HTR4: variants seen among roughly 807,000 people sequenced by gnomAD.
The protein encoded by HTR4 is 5-hydroxytryptamine receptor 4, also known as 5-hydroxytryptamine (serotonin) receptor 4, G protein-coupled.
A neutral mutation model predicts 36.8 loss-of-function variants in HTR4; 16 were observed. The observed-to-expected ratio is 0.43, with a 90% CI of 0.29 to 0.66. HTR4 has a LOEUF of 0.66. HTR4 is among the 30% of genes least tolerant of loss of function. HTR4 has a pLI of 0.13. For synonymous variants in HTR4, 189 were observed against 185.1 expected (o/e 1.02, Z -0.17); for missense variants, 438 against 490.9 (o/e 0.89, Z 1.02).
At chr5:148,478,364 G>A (rs1755766718), downstream of HTR4, among the ~76,000 whole-genome samples, 1 of 152,180 alleles carries the variant, frequency 6.6e-6, no homozygotes, top group South Asian at 2.1e-4. Context: ...TCTGCAGGAG[G>A]TTCTGGGGTC....
intron 2 of HTR4, 146 bp from the exon 3 acceptor site, chr5:148,550,408 A>G: frequency 1.1e-6 from 1 of 873,964 alleles, no homozygotes; most frequent in African/African-American, 1.7e-5. Context: ...ATGTACACCA[A>G]AATCTGAACC....
At chr5:148,496,800 C>T (rs1756703689) in intron 6 of HTR4, among the ~76,000 whole-genome samples, 1 of 152,218 alleles carries the variant, frequency 6.6e-6, no homozygotes, top group African/African-American at 2.4e-5. Context: ...CCTGATAAAC[C>T]TTGTGTACAC....
intron 2 of HTR4, among the ~76,000 whole-genome samples, chr5:148,591,075 T>C (rs1761548422): frequency 1.3e-5 from 2 of 152,230 alleles, no homozygotes; most frequent in African/African-American, 4.8e-5. Context: ...GCACCATTTG[T>C]TGAATGGGGA....
intron 2 of HTR4, among the ~76,000 whole-genome samples, chr5:148,634,822 G>A (rs995130290): frequency 5.9e-5 from 9 of 152,066 alleles, no homozygotes; most frequent in African/African-American, 2.2e-4. Context: ...GCAAGTAAAA[G>A]GATTCTTTTC....
chr5:148,464,845 G>A (rs534175403), intron 5 of HTR4, among the ~76,000 whole-genome samples: 1 of 152,252 alleles, frequency 6.6e-6, no homozygotes, highest in East Asian at 1.9e-4. Flanking sequence ...TTTAGTAGGT[G>A]AATGGATAAA....
chr5:148,454,512 C>T (rs984554905), intron 5 of HTR4, among the ~76,000 whole-genome samples: 1 of 152,136 alleles, frequency 6.6e-6, no homozygotes, highest in African/African-American at 2.4e-5. Flanking sequence ...ATGATGTACA[C>T]ATAGCCTTAA....
intron 2 of HTR4, among the ~76,000 whole-genome samples, chr5:148,574,013 G>A (rs1196551612): frequency 6.6e-6 from 1 of 152,050 alleles, no homozygotes; most frequent in African/African-American, 2.4e-5. Context: ...CCAAGCAATG[G>A]GGTGAATTTT....
chr5:148,509,860 A>C lies in HTR4; in HGVS notation c.672T>G (p.His224Gln). The C allele has an allele frequency of 1.2e-6, 2 of 1,613,944 alleles. No individual in the cohort carries two copies. The highest frequency in any genetic ancestry group is 1.7e-6 in the Non-Finnish European group (2 of 1,179,978). Residue 224 changes from histidine to glutamine, a missense_variant, in exon 6 of 7, where the codon CAT becomes CAG. His to Gln is a conservative substitution (Grantham distance 24). Coordinates refer to ENST00000377888, the MANE Select transcript of HTR4 (RefSeq NM_000870.7). Reference sequence around the variant, plus strand: ...CTGCCCGTTGTAACATCTGGATCTGATGGGCATGCTCCTTAGCTGTGACAT... The same window carrying C: ...CTGCCCGTTGTAACATCTGGATCTGCTGGGCATGCTCCTTAGCTGTGACAT... ...RIYVTAKEHAHQIQMLQRAGA... is the reference protein window; with the variant it reads ...RIYVTAKEHAQQIQMLQRAGA...
In HTR4 at chr5:148,547,971, G is replaced by A. The variant is rs533982455; in HGVS notation, c.353+697C>T. Among the ~76,000 whole-genome samples the A allele has an allele frequency of 8.5e-5, 13 of 152,278 alleles. No homozygotes were observed. The South Asian group carries it at 1.7e-3, about 19-fold the overall frequency. ...TTAGATTGCATTCTACCTTTATGATGAAATGTAAATTAGCAGGAATTGGAA... is the reference window on the plus strand; with the variant it reads ...TTAGATTGCATTCTACCTTTATGATAAAATGTAAATTAGCAGGAATTGGAA... On this transcript the variant is annotated intron_variant, in intron 4 of 6. Coordinates refer to ENST00000377888, the MANE Select transcript of HTR4 (RefSeq NM_000870.7).
At chr5:148,589,112 T>C (rs972332418) in intron 2 of HTR4, among the ~76,000 whole-genome samples, 2 of 152,130 alleles carry the variant, frequency 1.3e-5, no homozygotes, top group African/African-American at 4.8e-5. Context: ...AGATAGATAA[T>C]TTGCTTCTAC....
intron 1 of HTR4, among the ~76,000 whole-genome samples, chr5:148,642,896 CA>C (rs1267644969): frequency 2.0e-5 from 3 of 151,484 alleles, no homozygotes; most frequent in Non-Finnish European, 4.4e-5. Context: ...AGTCCCTCAC[CA>C]AAAAAACCAT....
chr5:148,562,801 T>A (rs1298078403), intron 2 of HTR4, among the ~76,000 whole-genome samples: 4 of 152,204 alleles, frequency 2.6e-5, no homozygotes, highest in African/African-American at 9.6e-5. Context: ...CTACCTCTTC[T>A]ACCTCCAGTA....
At chr5:148,452,653 A>G (rs1341677609) in intron 5 of HTR4, among the ~76,000 whole-genome samples, 3 of 152,196 alleles carry the variant, frequency 2.0e-5, no homozygotes, top group Non-Finnish European at 4.4e-5. Flanking sequence ...TGTTGATTGA[A>G]GAACAGGGCC....
At chr5:148,556,108 C>G (rs1759939647) in intron 2 of HTR4, among the ~76,000 whole-genome samples, 1 of 152,180 alleles carries the variant, frequency 6.6e-6, no homozygotes, top group African/African-American at 2.4e-5. Context: ...ACTGCAACCT[C>G]TGCCTCCTGG....
intron 2 of HTR4, among the ~76,000 whole-genome samples, chr5:148,625,187 TC>T (rs1753055064): frequency 6.6e-6 from 1 of 151,752 alleles, no homozygotes; most frequent in Non-Finnish European, 1.5e-5. Flanking sequence ...AGTTAGGGAG[TC>T]AAAAAGGTGT....
downstream of HTR4, among the ~76,000 whole-genome samples, chr5:148,475,501 C>CA (rs796093482): frequency 2.2e-4 from 33 of 152,286 alleles, no homozygotes; most frequent in African/African-American, 7.9e-4. Context: ...CATAAGAAGA[C>CA]ACTGAATGAC....
chr5:148,500,467 T>C (rs1756886552), intron 6 of HTR4, among the ~76,000 whole-genome samples: 1 of 151,690 alleles, frequency 6.6e-6, no homozygotes, highest in Non-Finnish European at 1.5e-5. Context: ...AAAATTAAGG[T>C]AGGAAGTATT....
intron 6 of HTR4, among the ~76,000 whole-genome samples, chr5:148,507,883 G>A (rs1757300945): frequency 6.6e-6 from 1 of 152,142 alleles, no homozygotes; most frequent in Non-Finnish European, 1.5e-5. Context: ...AAACTATTTG[G>A]CACCCACACA....
chr5:148,525,517 C>T (rs1247679481), intron 4 of HTR4, among the ~76,000 whole-genome samples: 1 of 152,024 alleles, frequency 6.6e-6, no homozygotes, highest in African/African-American at 2.4e-5. Context: ...AGGGGTGACC[C>T]GATCAGACTT....
Sources: allele counts gnomAD v4.1 joint callset (sites outside exome capture counted in the v4.1 genomes callset), GRCh38; gene constraint gnomAD v4.1.1; transcripts MANE v1.5; gene names NCBI Gene and HGNC (gene_info 2026-07-23, HGNC 2026-07-21).